Variants in ETV6 observed in about 807,000 individuals in gnomAD.
ETV6 encodes ETS variant transcription factor 6, also known as transcription factor ETV6.
In ETV6, 16 loss-of-function variants were observed where a neutral mutation model predicts 51.1. The observed-to-expected ratio is 0.31, with a 90% CI of 0.21 to 0.48. The LOEUF is 0.48. Among genes scored for constraint, ETV6 ranks in the 20% least tolerant of loss-of-function variants. The probability of loss-of-function intolerance (pLI) is 0.99; values close to 1 mark genes in which losing one functional copy is unlikely to be tolerated. For missense variants in ETV6, 458 were observed against 594.8 expected, an observed-to-expected ratio of 0.77 and a Z score of 2.39; for synonymous variants, 240 against 224.1, an observed-to-expected ratio of 1.07 and a Z score of -0.64.
intron 2 of ETV6, among the ~76,000 whole-genome samples, chr12:11,814,099 C>T (rs1424287391): frequency 1.3e-5 from 2 of 152,124 alleles, no homozygotes; most frequent in Non-Finnish European, 2.9e-5. Flanking sequence ...TTAACTGGTA[C>T]ATTTTATATT....
intron 1 of ETV6, among the ~76,000 whole-genome samples, chr12:11,695,991 C>T (rs1591615084): frequency 6.6e-6 from 1 of 152,112 alleles, no homozygotes; most frequent in South Asian, 2.1e-4. Context: ...GATGAGGACC[C>T]CTAAGGCCTG....
rs116832426 is a variant in ETV6 at position 11,674,259 on chromosome 12, C to G, written c.33+24099C>G. Among the ~76,000 whole-genome samples, 521 of 152,036 alleles carry G rather than the reference C, an allele frequency of 3.4e-3. 2 individuals are homozygous for G. Among genetic ancestry groups the G allele is most frequent in the African/African-American group, 0.012 (495 of 41,472 alleles). ...CCATGAGACATAGCAATATAAAATG[C>G]CAGAGGATGTTCAAATGGGCGTGTG... On this transcript the variant is annotated intron_variant, in intron 1 of 7. Transcript: ENST00000396373.
At chr12:11,777,109 A>G (rs527990317) in intron 2 of ETV6, among the ~76,000 whole-genome samples, 69 of 152,066 alleles carry the variant, frequency 4.5e-4, no homozygotes, top group Admixed American at 3.6e-3. Context: ...GCGTGGTGGC[A>G]GGTGCCTGTA....
At chr12:11,712,138 C>A (rs547832408) in intron 1 of ETV6, among the ~76,000 whole-genome samples, 1 of 152,168 alleles carries the variant, frequency 6.6e-6, no homozygotes, top group Non-Finnish European at 1.5e-5. Context: ...CTTCACCCCC[C>A]CATCTTACTT....
Position 11,690,270 on chromosome 12 carries a change from C to A in ETV6, c.33+40110C>A, listed in dbSNP as rs566536683. Among the ~76,000 whole-genome samples, 6 of 151,942 alleles carry A rather than the reference C, an allele frequency of 3.9e-5. No individual in the cohort carries two copies. In the East Asian group the frequency reaches 9.7e-4, roughly 25 times the overall value. ...TGCAGTGTGAGCTGTCCTTTCTCCC[C>A]CTTCCTCACGTCCTTACAAGACACC... On this transcript the variant is annotated intron_variant, in intron 1 of 7. Coordinates refer to ENST00000396373, the MANE Select transcript of ETV6 (RefSeq NM_001987.5).
chr12:11,725,623 TC>T (rs1460173777), intron 1 of ETV6, among the ~76,000 whole-genome samples: 1 of 152,202 alleles, frequency 6.6e-6, no homozygotes, highest in Non-Finnish European at 1.5e-5. Flanking sequence ...TGAGACCTGA[TC>T]TCCAGTGTTG....
At chr12:11,732,447 A>G (rs1031341735) in intron 1 of ETV6, among the ~76,000 whole-genome samples, 2 of 152,212 alleles carry the variant, frequency 1.3e-5, no homozygotes, top group African/African-American at 4.8e-5. Context: ...AGAAGCTGGA[A>G]GTAGAAAGCA....
intron 1 of ETV6, among the ~76,000 whole-genome samples, chr12:11,691,655 A>G (rs1331104521): frequency 1.3e-5 from 2 of 152,192 alleles, no homozygotes; most frequent in Non-Finnish European, 2.9e-5. Context: ...ATTCATGTGT[A>G]TTGCTATGCA....
chr12:11,750,968 C>A, intron 1 of ETV6: 1 of 421,528 alleles, frequency 2.4e-6, no homozygotes. Flanking sequence ...TCTTAATTGA[C>A]CCAGAAATGA....
At chr12:11,751,559 G>A (rs1049841375) in intron 1 of ETV6, among the ~76,000 whole-genome samples, 1 of 152,004 alleles carries the variant, frequency 6.6e-6, no homozygotes, top group African/African-American at 2.4e-5. Flanking sequence ...CATTATTTGC[G>A]GTATTTTAAC....
At chr12:11,704,495 C>T (rs1018409384) in intron 1 of ETV6, among the ~76,000 whole-genome samples, 2 of 151,966 alleles carry the variant, frequency 1.3e-5, no homozygotes, top group East Asian at 1.9e-4. Context: ...TACAGGTGCA[C>T]GCCACCACAA....
chr12:11,877,441 G>A (rs1263658507), intron 5 of ETV6, among the ~76,000 whole-genome samples: 1 of 152,218 alleles, frequency 6.6e-6, no homozygotes, highest in African/African-American at 2.4e-5. Flanking sequence ...GTTGGAAGGT[G>A]TGGGGTGTGC....
At chr12:11,650,925 G>T (rs1863894683) in intron 1 of ETV6, among the ~76,000 whole-genome samples, 1 of 152,200 alleles carries the variant, frequency 6.6e-6, no homozygotes, top group African/African-American at 2.4e-5. Context: ...TATCTAAGCA[G>T]CACTCTGTAA....
At chr12:11,818,562 G>C (rs1472975748) in intron 2 of ETV6, among the ~76,000 whole-genome samples, 2 of 151,834 alleles carry the variant, frequency 1.3e-5, no homozygotes, top group Non-Finnish European at 2.9e-5. Flanking sequence ...AATGGGAATG[G>C]TTCTTAAGGA....
chr12:11,729,420 T>TG (rs781704636), intron 1 of ETV6, among the ~76,000 whole-genome samples: 43 of 152,062 alleles, frequency 2.8e-4, no homozygotes, highest in South Asian at 1.5e-3. Flanking sequence ...TGGGATCAGG[T>TG]GGGGGGGACT....
At position 11,845,991 on chromosome 12, in the gene ETV6, C is replaced by CAAA. The variant is rs60730342; in HGVS notation, c.328+6699_328+6701dup. ...TGGGCAACAGAGTGAGACTCCGTCT[C>CAAA]AAAAAAAAAAAAAAGAAAAAAGAAA... On this transcript the variant is annotated intron_variant, in intron 3 of 7. Coordinates refer to ENST00000396373, the MANE Select transcript of ETV6 (RefSeq NM_001987.5). Among the ~76,000 whole-genome samples the CAAA allele has an allele frequency of 1.3e-3, 150 of 118,030 alleles. 2 individuals carry two copies. Among genetic ancestry groups the CAAA allele is most frequent in the Middle Eastern group, 0.01 (2 of 192 alleles). 77.4% of individuals were successfully genotyped at this position (118,030 alleles called of 152,430 possible). A position where few individuals can be genotyped will look rare whatever the true frequency, so the allele number is the denominator to read the frequency against.
chr12:11,751,837 G>A (rs1462229176), intron 1 of ETV6: 2 of 509,292 alleles, frequency 3.9e-6, no homozygotes, highest in Admixed American at 3.9e-5. Context: ...ATAATTCCTA[G>A]CAATGAAGGA....
At position 11,859,125 on chromosome 12, in the gene ETV6, T is replaced by C. The variant is rs1451995004; in HGVS notation, c.463+5564T>C. 2.7e-3 allele frequency among the ~76,000 whole-genome samples: 30 copies of C among 11,230 alleles called. 11 individuals carry two copies. The highest frequency in any genetic ancestry group is 0.059 in the Middle Eastern group (2 of 34). 7.4% of individuals were successfully genotyped at this position (11,230 alleles called of 152,430 possible). A position where few individuals can be genotyped will look rare whatever the true frequency, so the allele number is the denominator to read the frequency against. ...GATGAGGTATATGAATCTGGTTTTT[T>C]TTTTTTTTTTTTTTTTTTTTTTTTT... On this transcript the variant is annotated intron_variant, in intron 4 of 7. Coordinates refer to ENST00000396373, the MANE Select transcript of ETV6 (RefSeq NM_001987.5).
chr12:11,739,678 C>T (rs1395417832), intron 1 of ETV6, among the ~76,000 whole-genome samples: 1 of 150,336 alleles, frequency 6.7e-6, no homozygotes, highest in Non-Finnish European at 1.5e-5. Context: ...TAAAATACCT[C>T]AGTAATTATC....
Sources: allele counts gnomAD v4.1 joint callset (sites outside exome capture counted in the v4.1 genomes callset), GRCh38; gene constraint gnomAD v4.1.1; transcripts MANE v1.5; gene names NCBI Gene and HGNC (gene_info 2026-07-23, HGNC 2026-07-21).